Variants in ERBB4 observed in about 807,000 individuals in gnomAD.
ERBB4 encodes the protein erb-b2 receptor tyrosine kinase 4, also known as receptor tyrosine-protein kinase erbB-4.
A neutral mutation model predicts 158.0 loss-of-function variants in ERBB4; 42 were observed. The ratio of observed to expected loss-of-function variants is 0.27; its 90% confidence interval spans 0.21 to 0.34. ERBB4 has a LOEUF of 0.34. Ranked by LOEUF, ERBB4 falls within the 10% of genes least tolerant of loss-of-function variation. ERBB4 has a pLI of 1.00. For synonymous variants in ERBB4, 583 were observed against 558.7 expected (o/e 1.04, Z -0.61); for missense variants, 1,333 against 1,624.1 (o/e 0.82, Z 3.08).
In ERBB4 at chr2:212,211,617, TA is replaced by T. The variant is rs766982489; in HGVS notation, c.83-86715del. Reference sequence around the variant, plus strand: ...TTCTTTCTTTTTTAAAAAATTTATCTAAAAAAAAAAAATGGATACATGTATA... The same window carrying T: ...TTCTTTCTTTTTTAAAAAATTTATCTAAAAAAAAAAATGGATACATGTATA... On this transcript the variant is annotated intron_variant, in intron 1 of 27. Coordinates refer to ENST00000342788, the MANE Select transcript of ERBB4 (RefSeq NM_005235.3). Among the ~76,000 whole-genome samples, 837 of 95,132 alleles carry T rather than the reference TA, an allele frequency of 8.8e-3. 6 individuals are homozygous for T. Among genetic ancestry groups the T allele is most frequent in the African/African-American group, 0.028 (697 of 24,684 alleles). 62.4% of individuals were successfully genotyped at this position (95,132 alleles called of 152,430 possible).
intron 1 of ERBB4, among the ~76,000 whole-genome samples, chr2:212,482,235 A>G (rs1689740617): frequency 1.3e-5 from 2 of 152,180 alleles, no homozygotes; most frequent in Admixed American, 1.3e-4. Context: ...AAACAAACCA[A>G]CAAAAACTCC....
intron 3 of ERBB4, among the ~76,000 whole-genome samples, chr2:211,796,583 C>T (rs1243680811): frequency 6.6e-6 from 1 of 151,870 alleles, no homozygotes; most frequent in Non-Finnish European, 1.5e-5. Context: ...TGCTTCTTGA[C>T]CTTGTCAAGT....
intron 1 of ERBB4, among the ~76,000 whole-genome samples, chr2:212,304,789 T>C (rs7603109): frequency 0.52 from 78,993 of 151,026 alleles, 24,983 homozygotes; most frequent in East Asian, 0.84. Flanking sequence ...GCAATTTCAA[T>C]AGAGAAGAAA....
intron 25 of ERBB4, among the ~76,000 whole-genome samples, chr2:211,395,371 G>A (rs980541329): frequency 1.3e-5 from 2 of 151,956 alleles, no homozygotes; most frequent in East Asian, 3.9e-4. Flanking sequence ...AAGTAGTGAC[G>A]GTACTAGCAA....
At chr2:211,907,020 C>CT (rs542751885) in intron 3 of ERBB4, among the ~76,000 whole-genome samples, 2 of 151,524 alleles carry the variant, frequency 1.3e-5, no homozygotes, top group Non-Finnish European at 1.5e-5. Flanking sequence ...TTCTTCTGAC[C>CT]TTTTTTCCAT....
intron 1 of ERBB4, among the ~76,000 whole-genome samples, chr2:212,493,185 CTTTAG>C (rs1361808087): frequency 6.6e-6 from 1 of 151,304 alleles, no homozygotes; most frequent in African/African-American, 2.4e-5. Flanking sequence ...CTTAAAATGA[CTTTAG>C]TTATTTATTG....
chr2:211,790,741 G>A (rs1001878489), intron 3 of ERBB4, among the ~76,000 whole-genome samples: 12 of 151,924 alleles, frequency 7.9e-5, no homozygotes, highest in Non-Finnish European at 1.8e-4. Flanking sequence ...ATTTATAAAT[G>A]TTTAGCAATT....
intron 1 of ERBB4, among the ~76,000 whole-genome samples, chr2:212,489,046 A>C (rs1690130066): frequency 6.6e-6 from 1 of 151,084 alleles, no homozygotes; most frequent in South Asian, 2.1e-4. Context: ...ATAAAAGTTA[A>C]TTGCACATTC....
intron 3 of ERBB4, among the ~76,000 whole-genome samples, chr2:211,944,775 C>A (rs1474908014): frequency 6.6e-6 from 1 of 152,050 alleles, no homozygotes; most frequent in Non-Finnish European, 1.5e-5. Context: ...CTGGGCCCCA[C>A]CCCCAGAGTT....
chr2:211,580,787 GATAT>G (rs58919262), intron 19 of ERBB4, among the ~76,000 whole-genome samples: 41,590 of 66,734 alleles, frequency 0.62, 15,437 homozygotes, highest in East Asian at 0.85. Context: ...AAGAAATTGT[GATAT>G]ATATATATAT....
At chr2:211,608,076 T>C (rs557370525) in intron 19 of ERBB4, among the ~76,000 whole-genome samples, 1 of 152,070 alleles carries the variant, frequency 6.6e-6, no homozygotes, top group South Asian at 2.1e-4. Flanking sequence ...TGTGTGTATG[T>C]GTGTTTTAAG....
At chr2:211,520,423 C>T (rs183852155) in intron 20 of ERBB4, among the ~76,000 whole-genome samples, 6 of 152,070 alleles carry the variant, frequency 3.9e-5, no homozygotes, top group Admixed American at 3.9e-4. Flanking sequence ...AAAATATAGT[C>T]CTTAGGCCAA....
chr2:212,247,281 T>C (rs535480700), intron 1 of ERBB4, among the ~76,000 whole-genome samples: 23 of 152,310 alleles, frequency 1.5e-4, no homozygotes, highest in African/African-American at 5.3e-4. Context: ...ATAATTCTTC[T>C]GTAGAAAACA....
At chr2:211,937,796 G>GGGAT (rs1433472344) in intron 3 of ERBB4, among the ~76,000 whole-genome samples, 4 of 152,076 alleles carry the variant, frequency 2.6e-5, no homozygotes, top group African/African-American at 9.7e-5. Flanking sequence ...ATAACACATG[G>GGGAT]GGATTACGGG....
chr2:211,442,373 T>C (rs1199255381), intron 20 of ERBB4, among the ~76,000 whole-genome samples: 1 of 122,558 alleles, frequency 8.2e-6, no homozygotes. Context: ...CAACTTTATC[T>C]ATAGACAGGT....
At chr2:211,825,456 A>G (rs1017754284) in intron 3 of ERBB4, among the ~76,000 whole-genome samples, 2 of 151,826 alleles carry the variant, frequency 1.3e-5, no homozygotes, top group Admixed American at 1.3e-4. Context: ...GACTTCTATA[A>G]CTTAGCAACA....
rs71054125 is a variant in ERBB4, at chr2:211,673,517, C to CAAAAAA, written c.1623-266_1623-261dup. On this transcript the variant is annotated intron_variant, in intron 13 of 27. Transcript: ENST00000342788. ...CCTGCAAGACATATTCCAGCAATCT[C>CAAAAAA]AAAAAAAAAAAAAGCTACAAAGTAT... Among the ~76,000 whole-genome samples, 24 of 54,104 alleles carry CAAAAAA rather than the reference C, an allele frequency of 4.4e-4. 4 individuals are homozygous for CAAAAAA. The highest frequency in any genetic ancestry group is 1.5e-3 in the African/African-American group (21 of 13,912). 35.5% of individuals were successfully genotyped at this position (54,104 alleles called of 152,430 possible).
intron 20 of ERBB4, among the ~76,000 whole-genome samples, chr2:211,522,469 C>T (rs1230714080): frequency 6.6e-6 from 1 of 152,140 alleles, no homozygotes. Context: ...AAGACAGAAT[C>T]TACTCATGGT....
chr2:212,199,664 ACTTCAG>A (rs1181330391), intron 1 of ERBB4, among the ~76,000 whole-genome samples: 2 of 152,212 alleles, frequency 1.3e-5, no homozygotes, highest in Non-Finnish European at 2.9e-5. Context: ...AAGCAGCTAT[ACTTCAG>A]AATTCTACGT....
Sources: allele counts gnomAD v4.1 joint callset (sites outside exome capture counted in the v4.1 genomes callset), GRCh38; gene constraint gnomAD v4.1.1; transcripts MANE v1.5; gene names NCBI Gene and HGNC (gene_info 2026-07-23, HGNC 2026-07-21).